Variants in FGF14 observed in about 807,000 individuals in gnomAD.
The protein encoded by FGF14 is fibroblast growth factor homologous factor 4.
A neutral mutation model predicts 25.5 loss-of-function variants in FGF14; 5 were observed. That is an observed-to-expected ratio of 0.20 (90% CI 0.10 to 0.41). The LOEUF (loss-of-function observed/expected upper bound fraction) is 0.41, where lower values mean the gene tolerates loss of function less well. Among genes scored for constraint, FGF14 ranks in the 10% least tolerant of loss-of-function variants. The pLI is 1.00. For synonymous variants in FGF14, 138 were observed against 118.3 expected (o/e 1.17, Z -1.08); for missense variants, 222 against 320.1 (o/e 0.69, Z 2.34).
chr13:101,857,121 A>G (rs1408375609), intron 3 of FGF14, among the ~76,000 whole-genome samples: 3 of 152,032 alleles, frequency 2.0e-5, no homozygotes, highest in Non-Finnish European at 4.4e-5. Context: ...ATATTCACCA[A>G]TTTATTGGGT....
At chr13:101,966,107 A>C (rs2037176425) in intron 1 of FGF14, among the ~76,000 whole-genome samples, 1 of 152,198 alleles carries the variant, frequency 6.6e-6, no homozygotes, top group Non-Finnish European at 1.5e-5. Context: ...AAAAATGATA[A>C]GTTGAAGTTT....
At chr13:102,348,818 C>T (rs2057188592) in intron 1 of FGF14, among the ~76,000 whole-genome samples, 1 of 152,208 alleles carries the variant, frequency 6.6e-6, no homozygotes, top group South Asian at 2.1e-4. Flanking sequence ...TAGGAGGCCA[C>T]ATCAGACACG....
At chr13:102,334,788 C>T (rs1461247851) in intron 1 of FGF14, among the ~76,000 whole-genome samples, 2 of 152,094 alleles carry the variant, frequency 1.3e-5, no homozygotes, top group Admixed American at 1.3e-4. Context: ...TTTTAGTTAT[C>T]CTTGAGATGA....
chr13:101,736,435 T>C (rs1468113659), intron 3 of FGF14, among the ~76,000 whole-genome samples: 2 of 152,174 alleles, frequency 1.3e-5, no homozygotes, highest in Non-Finnish European at 2.9e-5. Flanking sequence ...TAACAGAATG[T>C]TTTTTATATT....
At chr13:102,021,612 G>T (rs938618613) in intron 1 of FGF14, among the ~76,000 whole-genome samples, 3 of 152,018 alleles carry the variant, frequency 2.0e-5, no homozygotes, top group East Asian at 1.9e-4. Context: ...ATCAGCAAAA[G>T]ATATGGAAAA....
intron 1 of FGF14, among the ~76,000 whole-genome samples, chr13:102,067,505 T>C (rs553787473): frequency 1.3e-5 from 2 of 151,668 alleles, no homozygotes; most frequent in Admixed American, 1.3e-4. Context: ...ATCCACTTAG[T>C]GTGAAAACAA....
At chr13:102,168,977 T>G (rs4771420) in intron 1 of FGF14, among the ~76,000 whole-genome samples, 1 of 151,520 alleles carries the variant, frequency 6.6e-6, no homozygotes, top group African/African-American at 2.4e-5. Flanking sequence ...AGTTAGATGC[T>G]AAATTATATC....
At chr13:101,908,989 G>A (rs1294194216) in intron 1 of FGF14, among the ~76,000 whole-genome samples, 2 of 152,178 alleles carry the variant, frequency 1.3e-5, no homozygotes, top group Admixed American at 6.5e-5. Context: ...AAGAAATGGG[G>A]AAAGGATTCC....
chr13:102,048,398 T>C (rs971326415), intron 1 of FGF14, among the ~76,000 whole-genome samples: 3 of 152,228 alleles, frequency 2.0e-5, no homozygotes, highest in Admixed American at 6.5e-5. Flanking sequence ...GTGGTTAGTA[T>C]ACGGTAACTA....
At chr13:101,825,008 A>G (rs2140254345) in intron 3 of FGF14, among the ~76,000 whole-genome samples, 1 of 152,286 alleles carries the variant, frequency 6.6e-6, no homozygotes, top group East Asian at 1.9e-4. Flanking sequence ...TTTGGCTTTC[A>G]TTTGTATCCT....
intron 1 of FGF14, among the ~76,000 whole-genome samples, chr13:101,891,973 TGA>T (rs1486722785): frequency 1.3e-5 from 2 of 152,032 alleles, no homozygotes; most frequent in African/African-American, 4.8e-5. Context: ...ATACAGAGAA[TGA>T]GAGTGTGCAT....
At chr13:102,339,613 G>A (rs1438021273) in intron 1 of FGF14, among the ~76,000 whole-genome samples, 1 of 152,046 alleles carries the variant, frequency 6.6e-6, no homozygotes, top group Non-Finnish European at 1.5e-5. Context: ...AGTTAGAATC[G>A]AATGCAGTGA....
At chr13:101,885,335 A>G (rs1306213897) in intron 1 of FGF14, among the ~76,000 whole-genome samples, 1 of 151,900 alleles carries the variant, frequency 6.6e-6, no homozygotes, top group Non-Finnish European at 1.5e-5. Context: ...CTGTGTGGAC[A>G]TGTTTTCAGG....
At chr13:102,291,475 G>A (rs2054392026) in intron 1 of FGF14, among the ~76,000 whole-genome samples, 1 of 152,156 alleles carries the variant, frequency 6.6e-6, no homozygotes, top group Non-Finnish European at 1.5e-5. Flanking sequence ...GCTTAAAGGA[G>A]TGTATTCCTT....
intron 1 of FGF14, among the ~76,000 whole-genome samples, chr13:102,325,845 A>T (rs886466908): frequency 6.6e-6 from 1 of 152,188 alleles, no homozygotes; most frequent in Non-Finnish European, 1.5e-5. Context: ...GTTTTCATTC[A>T]TCTGTTCACT....
At chr13:101,922,842 T>C (rs1296910961) in intron 1 of FGF14, among the ~76,000 whole-genome samples, 1 of 146,786 alleles carries the variant, frequency 6.8e-6, no homozygotes, top group Non-Finnish European at 1.5e-5. Context: ...ATTTTGTTTT[T>C]TATTTATCCT....
intron 3 of FGF14, among the ~76,000 whole-genome samples, chr13:101,786,336 T>A (rs922213678): frequency 1.3e-5 from 2 of 152,216 alleles, no homozygotes; most frequent in Non-Finnish European, 2.9e-5. Context: ...TGATTCTTGA[T>A]GATGAAGAGA....
At chr13:102,172,452 C>CT (rs2048289213) in intron 1 of FGF14, among the ~76,000 whole-genome samples, 1 of 152,058 alleles carries the variant, frequency 6.6e-6, no homozygotes, top group South Asian at 2.1e-4. Flanking sequence ...TTTAGAGTAA[C>CT]TTAGTCTAGT....
At chr13:101,943,826 A>AAAATATATATATATATATAT (rs1555324449) in intron 1 of FGF14, among the ~76,000 whole-genome samples, 1 of 126,808 alleles carries the variant, frequency 7.9e-6, no homozygotes, top group African/African-American at 3.4e-5. Context: ...AAAAAAAAAA[A>AAAATATATATATATATATAT]ATATATATAT....
Sources: allele counts gnomAD v4.1 joint callset (sites outside exome capture counted in the v4.1 genomes callset), GRCh38; gene constraint gnomAD v4.1.1; transcripts MANE v1.5; gene names NCBI Gene and HGNC (gene_info 2026-07-23, HGNC 2026-07-21).